Variants in NEMP2 observed in about 807,000 individuals in gnomAD.
NEMP2 encodes the protein UPF0571 transmembrane protein.
A neutral mutation model predicts 54.2 loss-of-function variants in NEMP2; 53 were observed. The ratio of observed to expected loss-of-function variants is 0.98; its 90% CI spans 0.78 to 1.23. NEMP2 has a LOEUF of 1.23. Ranked by LOEUF, NEMP2 falls within the 50% of genes most tolerant of loss-of-function variation. The pLI is 0.00. For missense variants in NEMP2, 455 were observed against 511.3 expected, an observed-to-expected ratio of 0.89 and a Z score of 1.06; for synonymous variants, 197 against 190.3, an observed-to-expected ratio of 1.04 and a Z score of -0.29.
At chr2:190,501,400 A>G (rs1015420571), downstream of NEMP2, 1 of 152,230 alleles carries the variant, frequency 6.6e-6, no homozygotes, top group African/African-American at 2.4e-5. Flanking sequence ...TGCAAACGTT[A>G]CAACTGCAGC....
the NEMP2 span, chr2:190,463,894 C>G: frequency 1.0e-6 from 1 of 984,528 alleles, no homozygotes; most frequent in Admixed American, 6.2e-5. This position sits in a 1 kb window ranked among gnomAD's most constrained non-coding sequence, Gnocchi z 4.4. Flanking sequence ...GCACCATATA[C>G]TGTCTACCAT....
At chr2:190,441,245 C>T in the NEMP2 span, among the ~76,000 whole-genome samples, 4 of 152,028 alleles carry the variant, frequency 2.6e-5, no homozygotes, top group Admixed American at 6.6e-5. Context: ...GGTCTGTTCT[C>T]GTGTCTTCTA....
the NEMP2 span, among the ~76,000 whole-genome samples, chr2:190,471,846 G>C: frequency 6.6e-6 from 1 of 152,168 alleles, no homozygotes; most frequent in Non-Finnish European, 1.5e-5. The surrounding 1 kb of genome is among the most constrained non-coding windows in gnomAD (Gnocchi z 4.7). Flanking sequence ...CCCCCAGTAG[G>C]GGCAGACTGA....
chr2:190,594,305 G>A, the NEMP2 span, among the ~76,000 whole-genome samples: 13 of 151,950 alleles, frequency 8.6e-5, no homozygotes, highest in African/African-American at 2.7e-4. The surrounding 1 kb of genome is among the most constrained non-coding windows in gnomAD (Gnocchi z 5.6). Flanking sequence ...ACCCACCCCC[G>A]TCACCATCCA....
chr2:190,575,937 G>A, the NEMP2 span, among the ~76,000 whole-genome samples: 1 of 151,412 alleles, frequency 6.6e-6, no homozygotes, highest in African/African-American at 2.4e-5. Context: ...GTGAATTTTA[G>A]TGACCTATAT....
the NEMP2 span, chr2:190,609,299 T>G: frequency 6.6e-6 from 1 of 152,236 alleles, no homozygotes; most frequent in Non-Finnish European, 1.5e-5. The surrounding 1 kb of genome is among the most constrained non-coding windows in gnomAD (Gnocchi z 4.7). Flanking sequence ...CCTGAAGACC[T>G]TCTAGAGCCT....
the NEMP2 span, among the ~76,000 whole-genome samples, chr2:190,637,342 C>T: frequency 1.3e-5 from 2 of 152,304 alleles, no homozygotes; most frequent in South Asian, 2.1e-4. The surrounding 1 kb of genome is among the most constrained non-coding windows in gnomAD (Gnocchi z 4.5). Flanking sequence ...CTACTATTCT[C>T]ATGTCTGACA....
the NEMP2 span, chr2:190,477,151 A>G: frequency 4.1e-3 from 2,227 of 547,580 alleles, 47 homozygotes; most frequent in African/African-American, 0.042. Flanking sequence ...ACATGTATAC[A>G]TATGTAACAA....
At chr2:190,439,696 T>A in the NEMP2 span, among the ~76,000 whole-genome samples, 1 of 152,238 alleles carries the variant, frequency 6.6e-6, no homozygotes, top group Non-Finnish European at 1.5e-5. This position sits in a 1 kb window ranked among gnomAD's most constrained non-coding sequence, Gnocchi z 5.8. Flanking sequence ...ATTTCTTGTT[T>A]AATAATGTGA....
In NEMP2 at chr2:190,508,867, C is replaced by T. The variant is rs1690259699; in HGVS notation, c.*322G>A. On this transcript the variant is annotated 3_prime_UTR_variant, in exon 9 of 9. Coordinates refer to ENST00000409150, the MANE Select transcript of NEMP2 (RefSeq NM_001142645.2). The surrounding 1 kb of genome is among the most constrained non-coding windows in gnomAD (Gnocchi z 4.3). ...AAGACCAGATTTAGTGCCCTGGTGT[C>T]GACAAAGCACCTGTTCATGCTTACT... 1 of 291,866 alleles carries T rather than the reference C, an allele frequency of 3.4e-6. No homozygotes were observed. Among genetic ancestry groups the T allele is most frequent in the Non-Finnish European group, 6.5e-6 (1 of 153,932 alleles). The allele number at this position is 291,866 out of a possible 1,614,324, so 18.1% of individuals were successfully genotyped here.
the NEMP2 span, chr2:190,624,879 A>G: frequency 6.6e-6 from 1 of 152,238 alleles, no homozygotes; most frequent in African/African-American, 2.4e-5. Flanking sequence ...ATTAGTTATT[A>G]GGGTAATGCA....
Position 190,506,038 on chromosome 2 carries a change from T to C in NEMP2, c.*3151A>G, listed in dbSNP as rs1258648958. 1 of 152,258 alleles carries C rather than the reference T, an allele frequency of 6.6e-6. No individual in the cohort carries two copies. The highest frequency in any genetic ancestry group is 1.5e-5 in the Non-Finnish European group (1 of 68,050). The allele number at this position is 152,258 out of a possible 1,614,324, so 9.4% of individuals were successfully genotyped here. A position where few individuals can be genotyped will look rare whatever the true frequency, so the allele number is the denominator to read the frequency against. On this transcript the variant is annotated 3_prime_UTR_variant, in exon 9 of 9. Coordinates refer to ENST00000409150, the MANE Select transcript of NEMP2 (RefSeq NM_001142645.2). The surrounding 1 kb of genome is among the most constrained non-coding windows in gnomAD (Gnocchi z 6.3). ...TGTCTTCTGAGAGAGAATCTGCTGG[T>C]CATATCAAGTCAAGTGTTTTTATCC...
chr2:190,488,600 C>A, the NEMP2 span: 4 of 1,350,408 alleles, frequency 3.0e-6, no homozygotes, highest in Non-Finnish European at 1.9e-6. This position sits in a 1 kb window ranked among gnomAD's most constrained non-coding sequence, Gnocchi z 6.4. Context: ...CATTTCAAAA[C>A]AGAGTAGCCT....
chr2:190,517,066 G>A (rs1171648796), intron 5 of NEMP2, among the ~76,000 whole-genome samples: 1 of 146,098 alleles, frequency 6.8e-6, no homozygotes, highest in Non-Finnish European at 1.5e-5. Context: ...ATTCCAGCCT[G>A]GGCAACAGAG....
the NEMP2 span, among the ~76,000 whole-genome samples, chr2:190,568,683 G>A: frequency 1.3e-5 from 2 of 152,050 alleles, no homozygotes; most frequent in East Asian, 1.9e-4. The surrounding 1 kb of genome is among the most constrained non-coding windows in gnomAD (Gnocchi z 4.7). Flanking sequence ...TTAGCTGGGC[G>A]TGGTGGCGCA....
chr2:190,452,280 C>T, the NEMP2 span, among the ~76,000 whole-genome samples: 5 of 152,160 alleles, frequency 3.3e-5, no homozygotes, highest in Admixed American at 2.0e-4. Context: ...AACACAACAA[C>T]AACAACAATA....
the NEMP2 span, among the ~76,000 whole-genome samples, chr2:190,577,315 T>A: frequency 6.6e-6 from 1 of 152,194 alleles, no homozygotes; most frequent in Non-Finnish European, 1.5e-5. The surrounding 1 kb of genome is among the most constrained non-coding windows in gnomAD (Gnocchi z 4.8). Context: ...GTCCCATTGG[T>A]ATCTTTTTTT....
At chr2:190,582,117 G>A in the NEMP2 span, among the ~76,000 whole-genome samples, 2 of 152,086 alleles carry the variant, frequency 1.3e-5, no homozygotes. The surrounding 1 kb of genome is among the most constrained non-coding windows in gnomAD (Gnocchi z 4.6). Flanking sequence ...AAACACCAGT[G>A]GCTTACACAA....
chr2:190,498,932 G>A, the NEMP2 span, among the ~76,000 whole-genome samples: 2 of 151,766 alleles, frequency 1.3e-5, no homozygotes, highest in South Asian at 2.1e-4. The surrounding 1 kb of genome is among the most constrained non-coding windows in gnomAD (Gnocchi z 5.9). Flanking sequence ...GGTGGATCAC[G>A]AGGTCAGGAG....
Sources: allele counts gnomAD v4.1 joint callset (sites outside exome capture counted in the v4.1 genomes callset), GRCh38; gene constraint gnomAD v4.1.1; non-coding constraint Gnocchi (gnomAD v3.1); transcripts MANE v1.5; gene names NCBI Gene and HGNC (gene_info 2026-07-23, HGNC 2026-07-21).